The following KNDC1 variants were observed in gnomAD, a reference collection of about 807,000 sequenced individuals.
KNDC1 encodes the protein kinase non-catalytic C-lobe domain containing 1.
Under a neutral mutation model 172.8 loss-of-function variants are expected in KNDC1, and 106 were observed. The ratio of observed to expected loss-of-function variants is 0.61; its 90% CI spans 0.52 to 0.72. The LOEUF (loss-of-function observed/expected upper bound fraction) is 0.72, where lower values mean the gene tolerates loss of function less well. KNDC1 is among the 30% of genes least tolerant of loss of function. KNDC1 has a pLI of 0.00. For synonymous variants in KNDC1, 1,083 were observed against 1,062.2 expected (o/e 1.02, Z -0.38); for missense variants, 2,325 against 2,394.5 (o/e 0.97, Z 0.61).
intron 3 of KNDC1, among the ~76,000 whole-genome samples, chr10:133,178,595 C>T (rs548884627): frequency 2.0e-5 from 3 of 152,214 alleles, no homozygotes; most frequent in South Asian, 2.1e-4. Flanking sequence ...CTCTGCTGCC[C>T]GAATCTTGCT....
At chr10:133,168,080 T>C (rs1183477232) in intron 2 of KNDC1, among the ~76,000 whole-genome samples, 174 bp from the exon 3 acceptor site, 4 of 152,210 alleles carry the variant, frequency 2.6e-5, no homozygotes, top group African/African-American at 9.6e-5. Context: ...CCATTTCCCA[T>C]CATAACCGTT....
At position 133,218,816 on chromosome 10, in the gene KNDC1, A is replaced by G. The variant is rs1176272074; in HGVS notation, c.4678-15A>G. 6.2e-7 allele frequency: 1 copy of G among 1,608,850 alleles called. No individual in the cohort carries two copies. The highest frequency in any genetic ancestry group is 1.3e-5 in the African/African-American group (1 of 74,824). ...TAAACCAGAAGACGCTGAATGTGTC[A>G]TTTTCTTATTGCAGCTGCAGGTGAA... On this transcript the variant is annotated splice_polypyrimidine_tract_variant and intron_variant, in intron 26 of 29. Transcript: ENST00000304613.
At chr10:133,189,408 G>A (rs560029800) in intron 7 of KNDC1, among the ~76,000 whole-genome samples, 190 bp from the exon 8 acceptor site, 2 of 152,174 alleles carry the variant, frequency 1.3e-5, no homozygotes, top group Non-Finnish European at 2.9e-5. Flanking sequence ...GGGGAGGGCT[G>A]GGAGGAGGCA....
At chr10:133,167,138 G>A in intron 1 of KNDC1, 1 of 554,012 alleles carries the variant, frequency 1.8e-6, no homozygotes, top group Non-Finnish European at 3.2e-6. Context: ...CCAGGCTCCA[G>A]GAGCCGACAC....
chr10:133,189,266 G>A (rs1041362455), intron 7 of KNDC1, among the ~76,000 whole-genome samples: 2 of 152,168 alleles, frequency 1.3e-5, no homozygotes, highest in Non-Finnish European at 2.9e-5. Context: ...TGGCTGCCCC[G>A]TGGGCCCTGA....
rs751927523 is a variant in KNDC1 at position 133,201,541 on chromosome 10, C to G, written c.3030C>G (p.Ala1010=). ...CCATGGCCAGGACCAGCAGCAGGGC[C>G]CCCTGCTCACCCACCTCGGTGTCGG... ...KPAMARTSSR[A]PCSPTSVSDV... is the part of the protein sequence containing the mutation. Residue 1010 remains alanine, a synonymous_variant, in exon 17 of 30, where the codon GCC becomes GCG. Coordinates refer to ENST00000304613, the MANE Select transcript of KNDC1 (RefSeq NM_152643.8). 2.5e-6 allele frequency: 4 copies of G among 1,610,604 alleles called. No individual in the cohort carries two copies. In the African/African-American group the frequency reaches 5.3e-5, roughly 22 times the overall value.
chr10:133,184,403 C>G (rs1177446443), intron 5 of KNDC1, among the ~76,000 whole-genome samples: 1 of 115,400 alleles, frequency 8.7e-6, no homozygotes, highest in South Asian at 3.0e-4. Flanking sequence ...CACGCACACA[C>G]GCACACACCC....
At chr10:133,210,577 C>A in intron 20 of KNDC1, 34 bp from the exon 21 acceptor site, 1 of 1,377,498 alleles carries the variant, frequency 7.3e-7, no homozygotes, top group Non-Finnish European at 1.0e-6. Context: ...TGCGGCCACC[C>A]CACCACCTCA....
chr10:133,170,012 A>T (rs540202718), intron 3 of KNDC1, among the ~76,000 whole-genome samples: 1 of 152,210 alleles, frequency 6.6e-6, no homozygotes, highest in Non-Finnish European at 1.5e-5. Flanking sequence ...ACTTGAGGCC[A>T]TCTGTGATCT....
chr10:133,182,680 C>A (rs1273101665), intron 3 of KNDC1, among the ~76,000 whole-genome samples: 1 of 152,268 alleles, frequency 6.6e-6, no homozygotes, highest in Non-Finnish European at 1.5e-5. Context: ...AAAAACCCAT[C>A]TTTCCTTCTA....
rs1845696911 is a variant in KNDC1 at position 133,225,227 on chromosome 10, C to A, written c.*337C>A. On this transcript the variant is annotated 3_prime_UTR_variant, in exon 30 of 30. Transcript: ENST00000304613. ...CTCACACACAGATAAGTGGCTCTTACCCAGCTCTCAGTGACTCCCCCACAA... is the reference window on the plus strand; with the variant it reads ...CTCACACACAGATAAGTGGCTCTTAACCAGCTCTCAGTGACTCCCCCACAA... The A allele has an allele frequency of 3.4e-6, 1 of 290,448 alleles. No individual in the cohort carries two copies. Among genetic ancestry groups the A allele is most frequent in the Non-Finnish European group, 6.6e-6 (1 of 151,154 alleles). The allele number at this position is 290,448 out of a possible 1,614,324, so 18.0% of individuals were successfully genotyped here. A position where few individuals can be genotyped will look rare whatever the true frequency, so the allele number is the denominator to read the frequency against.
chr10:133,167,102 G>T lies in KNDC1; in HGVS notation c.103-279G>T. ...AGCAGGTGACCCAGCAGCTCTGGCC[G>T]AGCCTCCGGGAGGAAGGCCCCGTGC... On this transcript the variant is annotated intron_variant, in intron 1 of 29. Coordinates refer to ENST00000304613, the MANE Select transcript of KNDC1 (RefSeq NM_152643.8). 8.0e-6 allele frequency: 4 copies of T among 498,104 alleles called. No individual in the cohort carries two copies. The East Asian group carries it at 1.4e-4, about 18-fold the overall frequency. The allele number at this position is 498,104 out of a possible 1,614,324, so 30.9% of individuals were successfully genotyped here. A position where few individuals can be genotyped will look rare whatever the true frequency, so the allele number is the denominator to read the frequency against.
At position 133,206,744 on chromosome 10, in the gene KNDC1, C is replaced by T. The variant is rs775224521; in HGVS notation, c.3447C>T (p.Tyr1149=). The T allele has an allele frequency of 1.7e-5, 28 of 1,613,966 alleles. No individual in the cohort carries two copies. Among genetic ancestry groups the T allele is most frequent in the Non-Finnish European group, 2.4e-5 (28 of 1,180,014 alleles). The change falls in exon 18 of 30, where the codon TAC becomes TAT. Residue 1149 remains tyrosine (Y), a synonymous_variant. Coordinates refer to ENST00000304613, the MANE Select transcript of KNDC1 (RefSeq NM_152643.8). The part of the protein sequence containing the change: ...KRNYRKTLKF[Y]QKLLQKEKRN... ...ACTACCGCAAGACCCTGAAGTTCTACCAGAAACTCTTACAGAAGGAAAAGA... is the reference window on the plus strand; with the variant it reads ...ACTACCGCAAGACCCTGAAGTTCTATCAGAAACTCTTACAGAAGGAAAAGA...
intron 10 of KNDC1, among the ~76,000 whole-genome samples, chr10:133,196,486 G>A (rs900560024): frequency 1.3e-5 from 2 of 151,940 alleles, no homozygotes; most frequent in East Asian, 3.9e-4. Flanking sequence ...GGGGAGCGGA[G>A]ACGGCCATGG....
chr10:133,219,476 T>G (rs1845536513), intron 28 of KNDC1, among the ~76,000 whole-genome samples: 2 of 152,192 alleles, frequency 1.3e-5, no homozygotes, highest in Non-Finnish European at 2.9e-5. Context: ...TCCCCAAACA[T>G]GACTCAGACG....
Position 133,219,109 on chromosome 10 carries a change from G to C in KNDC1, c.4860+19G>C, listed in dbSNP as rs781020361. On this transcript the variant is annotated intron_variant, in intron 28 of 29. Coordinates refer to ENST00000304613, the MANE Select transcript of KNDC1 (RefSeq NM_152643.8). ...CGTGGAGGTACCAGCACTTTACGTG[G>C]CCGGGCGGCTTTGGTCCCCCGAGGC... 6.2e-6 allele frequency: 10 copies of C among 1,610,760 alleles called. No individual in the cohort carries two copies. The highest frequency in any genetic ancestry group is 7.6e-6 in the Non-Finnish European group (9 of 1,178,790).
chr10:133,211,261 C>G (rs2136020894), intron 21 of KNDC1, among the ~76,000 whole-genome samples, 161 bp from the exon 22 acceptor site: 1 of 151,652 alleles, frequency 6.6e-6, no homozygotes, highest in East Asian at 2.0e-4. Context: ...CAGCTCCTGC[C>G]TCGGGGGAGG....
rs1365975819 is a variant in KNDC1 at position 133,218,815 on chromosome 10, C to T, written c.4678-16C>T. 1.2e-6 allele frequency: 2 copies of T among 1,608,868 alleles called. No individual in the cohort carries two copies. The highest frequency in any genetic ancestry group is 8.5e-7 in the Non-Finnish European group (1 of 1,175,992). ...TTAAACCAGAAGACGCTGAATGTGTCATTTTCTTATTGCAGCTGCAGGTGA... is the reference window on the plus strand; with the variant it reads ...TTAAACCAGAAGACGCTGAATGTGTTATTTTCTTATTGCAGCTGCAGGTGA... On this transcript the variant is annotated splice_polypyrimidine_tract_variant and intron_variant, in intron 26 of 29. Coordinates refer to ENST00000304613, the MANE Select transcript of KNDC1 (RefSeq NM_152643.8).
chr10:133,166,482 G>T (rs1299959160), intron 1 of KNDC1, among the ~76,000 whole-genome samples: 1 of 152,186 alleles, frequency 6.6e-6, no homozygotes, highest in Non-Finnish European at 1.5e-5. Context: ...CATATGGTCA[G>T]TGTTAGGCAT....
Sources: allele counts gnomAD v4.1 joint callset (sites outside exome capture counted in the v4.1 genomes callset), GRCh38; gene constraint gnomAD v4.1.1; transcripts MANE v1.5; gene names NCBI Gene and HGNC (gene_info 2026-07-23, HGNC 2026-07-21).